GABRB1: variants seen among roughly 807,000 people sequenced by gnomAD.
GABRB1 encodes the protein gamma-aminobutyric acid type A receptor subunit beta1.
GABRB1 carries 17 observed loss-of-function variants against 51.6 expected under a neutral mutation model. That is an observed-to-expected ratio of 0.33 (90% CI 0.23 to 0.49). The LOEUF is 0.49. Ranked by LOEUF, GABRB1 falls within the 20% of genes least tolerant of loss-of-function variation. The pLI is 0.99. For synonymous variants in GABRB1, 247 were observed against 218.9 expected (o/e 1.13, Z -1.14); for missense variants, 410 against 600.6 (o/e 0.68, Z 3.32).
chr4:47,242,874 G>A (rs1179258543), intron 4 of GABRB1, among the ~76,000 whole-genome samples: 1 of 152,180 alleles, frequency 6.6e-6, no homozygotes. Flanking sequence ...TTGCTGTGCA[G>A]AAGCTCTTTA....
intron 4 of GABRB1, among the ~76,000 whole-genome samples, chr4:47,209,317 A>C (rs1467760404): frequency 1.3e-5 from 2 of 152,042 alleles, no homozygotes; most frequent in African/African-American, 4.8e-5. Context: ...CTTAACTGAA[A>C]TGTTCCTGGA....
intron 3 of GABRB1, among the ~76,000 whole-genome samples, chr4:47,122,787 C>T (rs1715836134): frequency 6.6e-6 from 1 of 152,150 alleles, no homozygotes; most frequent in Non-Finnish European, 1.5e-5. Flanking sequence ...ACAGGAACCA[C>T]AGTGGGCAAG....
At chr4:47,237,493 A>C (rs1721370707) in intron 4 of GABRB1, among the ~76,000 whole-genome samples, 1 of 152,072 alleles carries the variant, frequency 6.6e-6, no homozygotes, top group African/African-American at 2.4e-5. Flanking sequence ...AAAAGGAATA[A>C]TTCATTCTGA....
chr4:47,038,047 TTTTC>T (rs1725672825), intron 3 of GABRB1, among the ~76,000 whole-genome samples: 2 of 152,158 alleles, frequency 1.3e-5, no homozygotes, highest in South Asian at 4.1e-4. Flanking sequence ...TGCTAAACCC[TTTTC>T]CAGTTCAAAT....
intron 3 of GABRB1, among the ~76,000 whole-genome samples, chr4:47,068,801 G>A (rs1727192483): frequency 6.6e-6 from 1 of 152,188 alleles, no homozygotes; most frequent in Admixed American, 6.5e-5. Flanking sequence ...ACAGAGGCAT[G>A]AAGTGAGCAC....
rs538547715 is a variant in GABRB1, at chr4:47,294,176, A to G, written c.462-25951A>G. On this transcript the variant is annotated intron_variant, in intron 4 of 8. Coordinates refer to ENST00000295454, the MANE Select transcript of GABRB1 (RefSeq NM_000812.4). ...CCGTTCTACAGCTCCCAGCATGAGC[A>G]ACGCAGAAGACAGATGATTTCTGCA... 2.6e-5 allele frequency among the ~76,000 whole-genome samples: 4 copies of G among 152,344 alleles called. No homozygotes were observed. The East Asian group carries it at 7.7e-4, about 29-fold the overall frequency.
At chr4:47,077,730 C>A (rs1179319893) in intron 3 of GABRB1, among the ~76,000 whole-genome samples, 4 of 149,942 alleles carry the variant, frequency 2.7e-5, no homozygotes, top group African/African-American at 7.4e-5. Flanking sequence ...TTCCTGTTTG[C>A]TAAAAATTAG....
At chr4:47,060,086 TG>T (rs1408895774) in intron 3 of GABRB1, among the ~76,000 whole-genome samples, 1 of 152,232 alleles carries the variant, frequency 6.6e-6, no homozygotes, top group Non-Finnish European at 1.5e-5. Context: ...GACAATTCTC[TG>T]GGGCACACAC....
At chr4:47,133,947 G>T (rs1716528001) in intron 3 of GABRB1, among the ~76,000 whole-genome samples, 1 of 151,958 alleles carries the variant, frequency 6.6e-6, no homozygotes, top group East Asian at 1.9e-4. Flanking sequence ...TTGGAAATCT[G>T]GTATTTTACA....
chr4:47,178,886 T>G (rs1718815193), intron 4 of GABRB1, among the ~76,000 whole-genome samples: 1 of 152,100 alleles, frequency 6.6e-6, no homozygotes. Context: ...AGGTTCCAAT[T>G]TCATGTTCTG....
At chr4:47,042,441 A>ATATATATAT (rs369535271) in intron 3 of GABRB1, among the ~76,000 whole-genome samples, 19 of 117,284 alleles carry the variant, frequency 1.6e-4, no homozygotes, top group African/African-American at 4.0e-4. Flanking sequence ...TATATATATA[A>ATATATATAT]AATACGTGTG....
intron 3 of GABRB1, among the ~76,000 whole-genome samples, chr4:47,155,233 C>G (rs566604428): frequency 6.6e-6 from 1 of 152,046 alleles, no homozygotes; most frequent in Non-Finnish European, 1.5e-5. Context: ...CAGCTCTACT[C>G]TAATAGGCTT....
At chr4:47,327,821 G>A (rs1197010011) in intron 5 of GABRB1, among the ~76,000 whole-genome samples, 2 of 152,098 alleles carry the variant, frequency 1.3e-5, no homozygotes, top group Non-Finnish European at 2.9e-5. Context: ...TACAAAAATA[G>A]CATGTGATAA....
chr4:47,339,780 C>T (rs1725817519), intron 5 of GABRB1, among the ~76,000 whole-genome samples: 2 of 150,684 alleles, frequency 1.3e-5, no homozygotes, highest in African/African-American at 4.9e-5. Flanking sequence ...GGAAACTTTA[C>T]CCTGTTGAAC....
At chr4:47,046,359 A>T (rs1726087005) in intron 3 of GABRB1, among the ~76,000 whole-genome samples, 1 of 152,150 alleles carries the variant, frequency 6.6e-6, no homozygotes, top group Non-Finnish European at 1.5e-5. Flanking sequence ...ACAAACAAAA[A>T]TATTATTTAT....
intron 3 of GABRB1, among the ~76,000 whole-genome samples, chr4:47,093,384 G>T (rs1714216975): frequency 6.6e-6 from 1 of 152,048 alleles, no homozygotes; most frequent in South Asian, 2.1e-4. Context: ...ATTATTTTCA[G>T]ATTATATCTT....
chr4:47,317,181 T>A (rs1039460841), intron 4 of GABRB1, among the ~76,000 whole-genome samples: 2 of 152,062 alleles, frequency 1.3e-5, no homozygotes, highest in South Asian at 4.1e-4. Flanking sequence ...CTCCATCTAC[T>A]AGATTCCAGT....
At chr4:47,344,636 A>T (rs7659625) in intron 5 of GABRB1, among the ~76,000 whole-genome samples, 15,463 of 151,748 alleles carry the variant, frequency 0.1, 1,221 homozygotes, top group East Asian at 0.28. Context: ...ACATTTTTTT[A>T]AAAAAAATCT....
intron 5 of GABRB1, among the ~76,000 whole-genome samples, chr4:47,325,750 G>A (rs948898983): frequency 2.6e-5 from 4 of 152,028 alleles, no homozygotes; most frequent in Non-Finnish European, 5.9e-5. Context: ...TGCCACCTTC[G>A]ATAGGAGGCT....
Sources: allele counts gnomAD v4.1 joint callset (sites outside exome capture counted in the v4.1 genomes callset), GRCh38; gene constraint gnomAD v4.1.1; transcripts MANE v1.5; gene names NCBI Gene and HGNC (gene_info 2026-07-23, HGNC 2026-07-21).